FLI1: variants seen among roughly 807,000 people sequenced by gnomAD.
The protein encoded by FLI1 is Friend leukemia integration 1 transcription factor.
A neutral mutation model predicts 53.1 loss-of-function variants in FLI1; 13 were observed. That is an observed-to-expected ratio of 0.24 (90% CI 0.16 to 0.39). FLI1 has a LOEUF of 0.39. Ranked by LOEUF, FLI1 falls within the 10% of genes least tolerant of loss-of-function variation. FLI1 has a pLI of 1.00. For missense variants in FLI1, 424 were observed against 600.5 expected (o/e 0.71, Z 3.07); for synonymous variants, 244 against 236.7 (o/e 1.03, Z -0.28).
chr11:128,722,380 C>T lies in FLI1; in HGVS notation c.18+28104C>T, dbSNP rs551175814. Among the ~76,000 whole-genome samples, 9 of 152,238 alleles carry T rather than the reference C, an allele frequency of 5.9e-5. No homozygotes were observed. The South Asian group carries it at 1.7e-3, about 28-fold the overall frequency. ...AGGAGGAGGATGTTCAGGCAAGGAG[C>T]AGAGCAGCCTGGAGATGCCAGTTTG... is the stretch of plus-strand genomic sequence containing the variant. On this transcript the variant is annotated intron_variant, in intron 1 of 8. Transcript: ENST00000527786.
chr11:128,716,873 C>T lies in FLI1; in HGVS notation c.18+22597C>T, dbSNP rs150362224. Among the ~76,000 whole-genome samples the T allele has an allele frequency of 2.0e-5, 3 of 152,290 alleles. No homozygotes were observed. In the East Asian group the frequency reaches 5.8e-4, roughly 29 times the overall value. ...GATCTTGAATCTAATGACTTGTTTA[C>T]AGACCCTGTACTTTTTCCAGTGCAG... On this transcript the variant is annotated intron_variant, in intron 1 of 8. Transcript: ENST00000527786.
intron 1 of FLI1, among the ~76,000 whole-genome samples, chr11:128,702,108 T>A (rs1049312165): frequency 6.6e-6 from 1 of 152,382 alleles, no homozygotes; most frequent in African/African-American, 2.4e-5. Flanking sequence ...GAAATTCTCA[T>A]GTCTACAGAG....
At chr11:128,805,499 C>A in intron 6 of FLI1, 68 bp downstream of exon 6, 1 of 993,932 alleles carries the variant, frequency 1.0e-6, no homozygotes, top group Non-Finnish European at 1.5e-6. Context: ...AGAACAGGAT[C>A]ATGAGACACA....
intron 1 of FLI1, among the ~76,000 whole-genome samples, chr11:128,725,707 C>A (rs562084306): frequency 6.6e-6 from 1 of 151,586 alleles, no homozygotes; most frequent in East Asian, 1.9e-4. Flanking sequence ...TGAGTTGCCT[C>A]AGGGCTGGTG....
At chr11:128,730,892 C>T (rs1186073293) in intron 1 of FLI1, among the ~76,000 whole-genome samples, 3 of 152,154 alleles carry the variant, frequency 2.0e-5, no homozygotes, top group East Asian at 1.9e-4. Flanking sequence ...TGAATGTGTC[C>T]GGAAATCTTT....
At chr11:128,784,961 G>T (rs1209348057) in intron 5 of FLI1, among the ~76,000 whole-genome samples, 55 of 152,332 alleles carry the variant, frequency 3.6e-4, no homozygotes, top group Admixed American at 6.5e-5. Flanking sequence ...AGGAGATGCT[G>T]TCTATTAATG....
At chr11:128,714,263 G>A (rs139861629) in intron 1 of FLI1, among the ~76,000 whole-genome samples, 133 of 150,536 alleles carry the variant, frequency 8.8e-4, no homozygotes, top group African/African-American at 3.2e-3. Flanking sequence ...TGGAAGATGC[G>A]CTGGCTGGCG....
chr11:128,714,120 A>C (rs1406037120), intron 1 of FLI1, among the ~76,000 whole-genome samples: 1 of 151,366 alleles, frequency 6.6e-6, no homozygotes, highest in Non-Finnish European at 1.5e-5. Context: ...AAAGTCAAGA[A>C]GATTCTAGGA....
chr11:128,710,664 C>A (rs1444510398), intron 1 of FLI1, among the ~76,000 whole-genome samples: 1 of 152,160 alleles, frequency 6.6e-6, no homozygotes, highest in Non-Finnish European at 1.5e-5. Context: ...TGCAGCCTTG[C>A]AGAAAATTTA....
chr11:128,696,380 GA>G (rs1938076125), intron 1 of FLI1, among the ~76,000 whole-genome samples: 2 of 152,322 alleles, frequency 1.3e-5, no homozygotes, highest in African/African-American at 4.8e-5. Context: ...GTGACCTCTG[GA>G]TCTTGGGGTT....
At chr11:128,771,318 AC>A (rs1941547232) in intron 3 of FLI1, among the ~76,000 whole-genome samples, 1 of 152,210 alleles carries the variant, frequency 6.6e-6, no homozygotes, top group Non-Finnish European at 1.5e-5. Context: ...CTTCAGCACA[AC>A]ACAGCAGCCA....
rs527793188 is a variant in FLI1, at chr11:128,699,450, T to C, written c.18+5174T>C. On this transcript the variant is annotated intron_variant, in intron 1 of 8. Coordinates refer to ENST00000527786, the MANE Select transcript of FLI1 (RefSeq NM_002017.5). The stretch of plus-strand genomic sequence containing the variant: ...ACGAATTAAGTAGGCTAAGGGACAT[T>C]GTCTGTTACGTACACACAAACACAC... Among the ~76,000 whole-genome samples, 16 of 152,316 alleles carry C rather than the reference T, an allele frequency of 1.1e-4. No individual in the cohort carries two copies. In the East Asian group the frequency reaches 3.1e-3, roughly 29 times the overall value.
chr11:128,756,773 A>G (rs1333470201), intron 1 of FLI1, among the ~76,000 whole-genome samples: 1 of 152,230 alleles, frequency 6.6e-6, no homozygotes, highest in Non-Finnish European at 1.5e-5. Context: ...TGTAGTGAAC[A>G]CTATGCCCTG....
In FLI1 at chr11:128,758,958, G is replaced by A. The variant is rs182968172; in HGVS notation, c.230+632G>A. Among the ~76,000 whole-genome samples the A allele has an allele frequency of 5.0e-3, 756 of 152,308 alleles. 14 individuals carry two copies. The highest frequency in any genetic ancestry group is 0.016 in the African/African-American group (664 of 41,566). On this transcript the variant is annotated intron_variant, in intron 2 of 8. Coordinates refer to ENST00000527786, the MANE Select transcript of FLI1 (RefSeq NM_002017.5). ...AGTGGACAGGCGGCCTCAGTTTTGC[G>A]TCCTGCCTCTGCCCCTTGGGCAAGT...
At position 128,750,572 on chromosome 11, in the gene FLI1, C is replaced by T. The variant is rs150153461; in HGVS notation, c.19-7543C>T. 4.5e-3 allele frequency among the ~76,000 whole-genome samples: 691 copies of T among 152,324 alleles called. 14 individuals are homozygous for T. Among genetic ancestry groups the T allele is most frequent in the African/African-American group, 0.016 (659 of 41,566 alleles). On this transcript the variant is annotated intron_variant, in intron 1 of 8. Coordinates refer to ENST00000527786, the MANE Select transcript of FLI1 (RefSeq NM_002017.5). ...TCTTCCCGAGTGAAATGGGGAGATA[C>T]TCAAACCACCCTCTTCTTCTTTCCT...
chr11:128,781,513 C>A (rs2135863484), intron 4 of FLI1, among the ~76,000 whole-genome samples: 1 of 152,336 alleles, frequency 6.6e-6, no homozygotes, highest in South Asian at 2.1e-4. Context: ...TAGAAGAAAT[C>A]TGCCAACCTC....
intron 1 of FLI1, among the ~76,000 whole-genome samples, chr11:128,718,744 A>G (rs569712542): frequency 1.3e-5 from 2 of 152,288 alleles, no homozygotes; most frequent in Non-Finnish European, 1.5e-5. Context: ...ACTACTTTTC[A>G]AGAGGCCAAT....
intron 5 of FLI1, among the ~76,000 whole-genome samples, chr11:128,803,179 C>T (rs1942681168): frequency 6.6e-6 from 1 of 152,204 alleles, no homozygotes; most frequent in Non-Finnish European, 1.5e-5. Context: ...CTTCTACTTT[C>T]TGTTCTGCTC....
intron 5 of FLI1, among the ~76,000 whole-genome samples, chr11:128,795,719 T>A (rs996790582): frequency 6.6e-6 from 1 of 151,868 alleles, no homozygotes; most frequent in African/African-American, 2.4e-5. Context: ...CCCAACTAAT[T>A]TTTTGTATTT....
Sources: gnomAD v4.1 joint callset for allele counts (sites outside exome capture counted in the v4.1 genomes callset) on GRCh38, gnomAD v4.1.1 for gene constraint, MANE v1.5 for transcripts, NCBI Gene and HGNC (gene_info 2026-07-23, HGNC 2026-07-21) for gene names.